The following ZNF619 variants were observed in gnomAD, a reference collection of about 807,000 sequenced individuals.
ZNF619 encodes the protein zinc finger protein 619.
In ZNF619, 9 loss-of-function variants were observed where a neutral mutation model predicts 14.2. That is an observed-to-expected ratio of 0.64 (90% CI 0.38 to 1.11). The LOEUF (loss-of-function observed/expected upper bound fraction) is 1.11, where lower values mean the gene tolerates loss of function less well. Ranked by LOEUF, ZNF619 falls within the 50% of genes least tolerant of loss-of-function variation. ZNF619 has a pLI of 0.01. For missense variants in ZNF619, 659 were observed against 680.1 expected (o/e 0.97, Z 0.34); for synonymous variants, 246 against 252.8 (o/e 0.97, Z 0.26).
In ZNF619 at chr3:40,481,941, G is replaced by T; in HGVS notation, c.103G>T (p.Ala35Ser). 1 of 1,613,888 alleles carries T rather than the reference G, an allele frequency of 6.2e-7. No individual in the cohort carries two copies. Among genetic ancestry groups the T allele is most frequent in the Non-Finnish European group, 8.5e-7 (1 of 1,179,894 alleles). ...VAVYFTQNEW[A>S]SLHPTQRALY... ...TGTGTACTTCACCCAGAATGAATGG[G>T]CCAGCCTGCACCCTACGCAGAGGGC... Residue 35 changes from alanine (A) to serine (S), a missense_variant, in exon 3 of 5, where the codon GCC (alanine) becomes TCC (serine). Coordinates refer to ENST00000432264, the MANE Select transcript of ZNF619 (RefSeq NM_001145093.4).
rs572029372 is a variant in ZNF619, at chr3:40,490,652, T to C, written c.*2411T>C. ...GGATACAGACCTTTATGATGATCCA[T>C]ATAATATAGTGAATTATATTTACTA... On this transcript the variant is annotated 3_prime_UTR_variant, in exon 5 of 5. Transcript: ENST00000432264. Among the ~76,000 whole-genome samples, 1 of 152,164 alleles carries C rather than the reference T, an allele frequency of 6.6e-6. No homozygotes were observed. The highest frequency in any genetic ancestry group is 2.1e-4 in the South Asian group (1 of 4,808).
chr3:40,486,210 C>G (rs1196041669), intron 4 of ZNF619, among the ~76,000 whole-genome samples: 1 of 152,164 alleles, frequency 6.6e-6, no homozygotes, highest in Admixed American at 6.5e-5. Context: ...CTCTACTTTT[C>G]TTCATTGCTT....
chr3:40,483,831 T>C (rs984470218), intron 4 of ZNF619: 7 of 309,978 alleles, frequency 2.3e-5, no homozygotes, highest in Non-Finnish European at 3.1e-5. Flanking sequence ...TTTCGCCATG[T>C]TGGTCAGGCT....
In ZNF619 at chr3:40,488,200, T is replaced by G. The variant is rs759549925; in HGVS notation, c.1690T>G (p.Ser564Ala). 6 of 1,607,720 alleles carry G rather than the reference T, an allele frequency of 3.7e-6. No individual in the cohort carries two copies. In the East Asian group the frequency reaches 1.3e-4, roughly 36 times the overall value. The change falls in exon 5 of 5, where the codon TCA becomes GCA. Residue 564 changes from serine to alanine, a missense_variant. Coordinates refer to ENST00000432264, the MANE Select transcript of ZNF619 (RefSeq NM_001145093.4). The stretch of plus-strand genomic sequence containing the variant: ...TCAGGATCTCGCTTTTCCTGGGAAG[T>G]CATCCCTTCAGAGCCCGAATCCTTT... Reference protein sequence around the residue: ...FFQDLAFPGKSSLQSPNPLSH... With the variant: ...FFQDLAFPGKASLQSPNPLSH...
At chr3:40,478,510 A>C (rs184809215) in intron 2 of ZNF619, among the ~76,000 whole-genome samples, 1 of 152,162 alleles carries the variant, frequency 6.6e-6, no homozygotes, top group African/African-American at 2.4e-5. Flanking sequence ...AACTGGAAAC[A>C]TGTGGAAAAT....
In ZNF619 at chr3:40,481,871, C is replaced by A; in HGVS notation, c.33C>A (p.Gly11=). Residue 11 remains glycine, a synonymous_variant, in exon 3 of 5, where the codon GGC becomes GGA. Coordinates refer to ENST00000432264, the MANE Select transcript of ZNF619 (RefSeq NM_001145093.4). The part of the protein sequence containing the change: MLQTVWFQGL[G]RNLLFQEPVT... ...CCTCTGTTCTTGTGCAGGGCTTGGG[C>A]AGGAACCTGTTGTTTCAGGAGCCAG... 6 of 1,604,814 alleles carry A rather than the reference C, an allele frequency of 3.7e-6. No homozygotes were observed. Among genetic ancestry groups the A allele is most frequent in the Non-Finnish European group, 5.1e-6 (6 of 1,176,656 alleles).
At chr3:40,478,859 G>A (rs1205583916) in intron 2 of ZNF619, among the ~76,000 whole-genome samples, 3 of 152,098 alleles carry the variant, frequency 2.0e-5, no homozygotes, top group Non-Finnish European at 2.9e-5. Context: ...ACTTCTGTTC[G>A]AGAACTTCAG....
At chr3:40,483,966 CT>C (rs113877092) in intron 4 of ZNF619, among the ~76,000 whole-genome samples, 44,258 of 151,834 alleles carry the variant, frequency 0.29, 6,637 homozygotes, top group East Asian at 0.47. Flanking sequence ...TGCTCTGTCA[CT>C]CAGGCTAGAG....
In ZNF619 at chr3:40,487,943, A is replaced by G. The variant is rs201245882; in HGVS notation, c.1433A>G (p.His478Arg). ...NASFIQHQKW[H>R]TRKKLINGTG... ...AGTTTCATCCAGCATCAGAAGTGGC[A>G]TACTAGGAAGAAACTCATCAATGGA... The change falls in exon 5 of 5, where the codon CAT becomes CGT. Residue 478 changes from histidine (H) to arginine (R), a missense_variant. Transcript: ENST00000432264. 7.4e-6 allele frequency: 12 copies of G among 1,614,086 alleles called. No homozygotes were observed. Among genetic ancestry groups the G allele is most frequent in the South Asian group, 1.1e-5 (1 of 91,088 alleles).
At position 40,490,767 on chromosome 3, in the gene ZNF619, G is replaced by A. The variant is rs1697781277; in HGVS notation, c.*2526G>A. 6.6e-6 allele frequency among the ~76,000 whole-genome samples: 1 copy of A among 152,100 alleles called. No homozygotes were observed. The highest frequency in any genetic ancestry group is 2.4e-5 in the African/African-American group (1 of 41,416). ...AATATGTATAACATAAAAAATATGTGTTAATCGACTGTTTCAGTAAGGCTC... is the reference window on the plus strand; with the variant it reads ...AATATGTATAACATAAAAAATATGTATTAATCGACTGTTTCAGTAAGGCTC... On this transcript the variant is annotated 3_prime_UTR_variant, in exon 5 of 5. Transcript: ENST00000432264.
chr3:40,477,868 G>C, intron 1 of ZNF619, 50 bp from the exon 2 acceptor site: 1 of 1,008,890 alleles, frequency 9.9e-7, no homozygotes, highest in East Asian at 2.6e-5. Flanking sequence ...GGGAAGAGGC[G>C]GCAAGTGTAG....
chr3:40,490,876 G>A lies in ZNF619; in HGVS notation c.*2635G>A, dbSNP rs1295589416. ...ATGGGGGTTGGTGCCCATATGATGGGACTGATGGCTTTATAAGAAGAGGAA... is the reference window on the plus strand; with the variant it reads ...ATGGGGGTTGGTGCCCATATGATGGAACTGATGGCTTTATAAGAAGAGGAA... On this transcript the variant is annotated 3_prime_UTR_variant, in exon 5 of 5. Coordinates refer to ENST00000432264, the MANE Select transcript of ZNF619 (RefSeq NM_001145093.4). Among the ~76,000 whole-genome samples, 1 of 152,142 alleles carries A rather than the reference G, an allele frequency of 6.6e-6. No individual in the cohort carries two copies. The highest frequency in any genetic ancestry group is 2.4e-5 in the African/African-American group (1 of 41,428).
At chr3:40,485,593 G>A (rs1038977058) in intron 4 of ZNF619, among the ~76,000 whole-genome samples, 7 of 152,160 alleles carry the variant, frequency 4.6e-5, no homozygotes, top group African/African-American at 1.7e-4. Flanking sequence ...ATGAGCCACT[G>A]TGCCCGGCAT....
intron 2 of ZNF619, among the ~76,000 whole-genome samples, chr3:40,479,865 C>T (rs1323395711): frequency 1.3e-5 from 2 of 152,172 alleles, no homozygotes; most frequent in African/African-American, 4.8e-5. Flanking sequence ...GCCACATAGT[C>T]TCTGGGGGAC....
At position 40,481,893 on chromosome 3, in the gene ZNF619, C is replaced by T. The variant is rs766765662; in HGVS notation, c.55C>T (p.Pro19Ser). The T allele has an allele frequency of 1.2e-6, 2 of 1,612,456 alleles. No individual in the cohort carries two copies. The highest frequency in any genetic ancestry group is 1.7e-5 in the Admixed American group (1 of 59,724). The change falls in exon 3 of 5, where the codon CCA becomes TCA. Residue 19 changes from proline (P) to serine (S), a missense_variant. Transcript: ENST00000432264. Reference sequence around the variant, plus strand: ...GGGCAGGAACCTGTTGTTTCAGGAGCCAGTAACCTTTGAGGATGTGGCTGT... The same window carrying T: ...GGGCAGGAACCTGTTGTTTCAGGAGTCAGTAACCTTTGAGGATGTGGCTGT... ...GLGRNLLFQE[P>S]VTFEDVAVYF...
Position 40,487,437 on chromosome 3 carries a change from C to A in ZNF619, c.927C>A (p.Ile309=), listed in dbSNP as rs764145216. The A allele has an allele frequency of 6.2e-7, 1 of 1,614,144 alleles. No homozygotes were observed. Among genetic ancestry groups the A allele is most frequent in the Admixed American group, 1.7e-5 (1 of 60,010 alleles). ...CAAAACTGATTCGGCATCAGAGAAT[C>A]CATACTGGGGAGAAGCCCTTTAAAT... is the stretch of plus-strand genomic sequence containing the variant. ...YNSKLIRHQR[I]HTGEKPFKCK... The change falls in exon 5 of 5, where the codon ATC becomes ATA. Residue 309 remains isoleucine, a synonymous_variant. Coordinates refer to ENST00000432264, the MANE Select transcript of ZNF619 (RefSeq NM_001145093.4).
In ZNF619 at chr3:40,488,779, G is replaced by T. The variant is rs1299758726; in HGVS notation, c.*538G>T. 1 of 152,878 alleles carries T rather than the reference G, an allele frequency of 6.5e-6. No homozygotes were observed. The highest frequency in any genetic ancestry group is 1.5e-5 in the Non-Finnish European group (1 of 68,702). 9.5% of individuals were successfully genotyped at this position (152,878 alleles called of 1,614,324 possible). On this transcript the variant is annotated 3_prime_UTR_variant, in exon 5 of 5. Coordinates refer to ENST00000432264, the MANE Select transcript of ZNF619 (RefSeq NM_001145093.4). Reference sequence around the variant, plus strand: ...GGGTTCAAGTGATTCTCATGCCTCAGCCTCCCGAGTAGCTGGGACCACAGG... The same window carrying T: ...GGGTTCAAGTGATTCTCATGCCTCATCCTCCCGAGTAGCTGGGACCACAGG...
At chr3:40,479,056 T>G (rs1697296482) in intron 2 of ZNF619, among the ~76,000 whole-genome samples, 1 of 152,160 alleles carries the variant, frequency 6.6e-6, no homozygotes, top group Non-Finnish European at 1.5e-5. Flanking sequence ...ACAGGGCTAG[T>G]GTGGCAGCTC....
chr3:40,490,315 C>CTCTGA lies in ZNF619; in HGVS notation c.*2075_*2079dup, dbSNP rs1697768883. ...TTGATAGCCATAAGTAGGTTTGCTG[C>CTCTGA]TCTGACATTTACATAAAAATGTAGA... On this transcript the variant is annotated 3_prime_UTR_variant, in exon 5 of 5. Transcript: ENST00000432264. The CTCTGA allele has an allele frequency of 6.6e-6, 1 of 152,176 alleles. No homozygotes were observed. The highest frequency in any genetic ancestry group is 2.4e-5 in the African/African-American group (1 of 41,410). The allele number at this position is 152,176 out of a possible 1,614,324, so 9.4% of individuals were successfully genotyped here.
Sources: allele counts gnomAD v4.1 joint callset (sites outside exome capture counted in the v4.1 genomes callset), GRCh38; gene constraint gnomAD v4.1.1; transcripts MANE v1.5; gene names NCBI Gene and HGNC (gene_info 2026-07-23, HGNC 2026-07-21).